Variants in OSBPL10 observed in about 807,000 individuals in gnomAD.
OSBPL10 encodes the protein oxysterol binding protein like 10, also known as oxysterol-binding protein-related protein 10.
Under a neutral mutation model 81.7 loss-of-function variants are expected in OSBPL10, and 49 were observed. That is an observed-to-expected ratio of 0.60 (90% CI 0.48 to 0.76). The LOEUF is 0.76. Among genes scored for constraint, OSBPL10 ranks in the 30% least tolerant of loss-of-function variants. OSBPL10 has a pLI of 0.00. For missense variants in OSBPL10, 923 were observed against 987.8 expected, an observed-to-expected ratio of 0.93 and a Z score of 0.88; for synonymous variants, 419 against 383.6, an observed-to-expected ratio of 1.09 and a Z score of -1.08.
chr3:31,714,704 G>C (rs1403572821), intron 6 of OSBPL10: 1 of 152,316 alleles, frequency 6.6e-6, no homozygotes, highest in Non-Finnish European at 1.5e-5. Context: ...ACCCAGGCTT[G>C]AGACCTGCAA....
At chr3:31,901,865 C>T (rs1404306948) in intron 1 of OSBPL10, among the ~76,000 whole-genome samples, 2 of 152,078 alleles carry the variant, frequency 1.3e-5, no homozygotes, top group African/African-American at 4.8e-5. Flanking sequence ...CGGCAAAACC[C>T]CATCTCTAGT....
chr3:31,678,950 C>A (rs1055082110), intron 8 of OSBPL10, among the ~76,000 whole-genome samples: 5 of 152,234 alleles, frequency 3.3e-5, no homozygotes, highest in African/African-American at 1.2e-4. Context: ...ATGCTAAAAT[C>A]ATGTCTACCC....
At chr3:31,748,622 T>C (rs1697611896) in intron 4 of OSBPL10, among the ~76,000 whole-genome samples, 1 of 135,504 alleles carries the variant, frequency 7.4e-6, no homozygotes, top group Admixed American at 8.5e-5. Flanking sequence ...AAACCAATGC[T>C]GAGCCCCCTT....
rs554185354 is a variant in OSBPL10 at position 31,749,914 on chromosome 3, C to T, written c.730-1794G>A. Among the ~76,000 whole-genome samples, 10 of 152,252 alleles carry T rather than the reference C, an allele frequency of 6.6e-5. No individual in the cohort carries two copies. In the South Asian group the frequency reaches 1.2e-3, roughly 19 times the overall value. ...TGCACCTCCAGGCCGGGCATGGTGG[C>T]TCACGCCTGTAATCCCAACACTTTG... On this transcript the variant is annotated intron_variant, in intron 4 of 11. Transcript: ENST00000396556.
At chr3:31,733,153 C>T in intron 6 of OSBPL10, 104 bp downstream of exon 6, 1 of 1,477,674 alleles carries the variant, frequency 6.8e-7, no homozygotes, top group Non-Finnish European at 9.2e-7. Context: ...TTTAATTTGT[C>T]TCCTCTTAAA....
At chr3:31,985,758 G>A (rs573242918), upstream of OSBPL10, among the ~76,000 whole-genome samples, 31 of 152,292 alleles carry the variant, frequency 2.0e-4, no homozygotes, top group Middle Eastern at 3.4e-3. Flanking sequence ...TGTGTTGTAC[G>A]TCCCAAATAA....
At chr3:32,047,354 G>T (rs1463053772) in intron 1 of OSBPL10, among the ~76,000 whole-genome samples, 1 of 152,134 alleles carries the variant, frequency 6.6e-6, no homozygotes, top group East Asian at 1.9e-4. Flanking sequence ...AGGGATGCTG[G>T]TTGGCTATTT....
At chr3:32,005,031 A>G (rs1699190164) in intron 2 of OSBPL10, among the ~76,000 whole-genome samples, 1 of 152,146 alleles carries the variant, frequency 6.6e-6, no homozygotes. Flanking sequence ...CACACCGTAG[A>G]TCTTAATCTG....
chr3:31,932,073 G>T (rs1172976301), intron 1 of OSBPL10, among the ~76,000 whole-genome samples: 1 of 149,714 alleles, frequency 6.7e-6, no homozygotes, highest in Non-Finnish European at 1.5e-5. Flanking sequence ...CTTTTTAAAT[G>T]AAGAAAAAAA....
At chr3:31,828,140 A>T (rs963982767) in intron 4 of OSBPL10, among the ~76,000 whole-genome samples, 1 of 152,240 alleles carries the variant, frequency 6.6e-6, no homozygotes, top group Non-Finnish European at 1.5e-5. Context: ...GTCTCAAATT[A>T]CTTATAAACT....
chr3:31,935,739 G>A (rs1286299985), intron 1 of OSBPL10, among the ~76,000 whole-genome samples: 1 of 151,996 alleles, frequency 6.6e-6, no homozygotes, highest in Non-Finnish European at 1.5e-5. Flanking sequence ...GGTCAGGCTG[G>A]TCTGGAACTC....
chr3:31,977,043 T>G (rs1698712163), intron 1 of OSBPL10, among the ~76,000 whole-genome samples: 1 of 152,172 alleles, frequency 6.6e-6, no homozygotes, highest in Admixed American at 6.5e-5. Flanking sequence ...AAATGAAAGT[T>G]CATACAGCCA....
intron 4 of OSBPL10, among the ~76,000 whole-genome samples, chr3:31,776,712 T>C (rs754333155): frequency 6.6e-6 from 1 of 152,202 alleles, no homozygotes; most frequent in Non-Finnish European, 1.5e-5. Context: ...AATTCTATGA[T>C]TCCATTTACA....
rs754566862 is a variant in OSBPL10 at position 31,733,292 on chromosome 3, C to A, written c.1060G>T (p.Ala354Ser). The A allele has an allele frequency of 1.7e-5, 28 of 1,613,234 alleles. No homozygotes were observed. In the South Asian group the frequency reaches 3.0e-4, roughly 17 times the overall value. The change falls in exon 6 of 12, where the codon GCT becomes TCT. Residue 354 changes from alanine (A) to serine (S), a missense_variant. Around this residue, in one of 3 missense-constraint regions of OSBPL10, gnomAD observed 514 missense variants for 508.0 expected, o/e 1.01. Transcript: ENST00000396556. ...NITWAILPNS[A>S]EDEQTSQPEP... is the part of the protein sequence containing the mutation. ...GGCTGTGAGGTTTGTTCGTCTTCAG[C>A]AGAGTTTGGTAAAATTGCCCAGGTT...
At chr3:31,733,087 A>G in intron 6 of OSBPL10, 170 bp downstream of exon 6, 1 of 810,516 alleles carries the variant, frequency 1.2e-6, no homozygotes, top group Non-Finnish European at 1.9e-6. Context: ...CAAGAACATG[A>G]GAAGTGCCGG....
intron 2 of OSBPL10, among the ~76,000 whole-genome samples, chr3:32,001,246 T>TC (rs537338876): frequency 4.9e-4 from 75 of 152,282 alleles, no homozygotes; most frequent in Non-Finnish European, 7.9e-4. Flanking sequence ...CCTGGATGTG[T>TC]CCCAAGAGAA....
intron 2 of OSBPL10, among the ~76,000 whole-genome samples, chr3:32,038,066 A>G (rs1238493332): frequency 6.6e-6 from 1 of 152,206 alleles, no homozygotes; most frequent in Non-Finnish European, 1.5e-5. Context: ...AGAGATCTGC[A>G]GTGTTCCCTC....
At chr3:31,803,736 T>A (rs1030204533) in intron 4 of OSBPL10, among the ~76,000 whole-genome samples, 3 of 152,226 alleles carry the variant, frequency 2.0e-5, no homozygotes, top group African/African-American at 7.2e-5. Flanking sequence ...TTATATCTCC[T>A]TTAATCTATC....
intron 3 of OSBPL10, among the ~76,000 whole-genome samples, chr3:31,864,453 T>C (rs1210805314): frequency 6.6e-6 from 1 of 152,170 alleles, no homozygotes; most frequent in Middle Eastern, 3.2e-3. Context: ...TTGCCCAGGC[T>C]GGTCTCGAAT....
Sources: allele counts gnomAD v4.1 joint callset (sites outside exome capture counted in the v4.1 genomes callset), GRCh38; gene constraint gnomAD v4.1.1; regional missense constraint gnomAD v4.1.1; transcripts MANE v1.5; gene names NCBI Gene and HGNC (gene_info 2026-07-23, HGNC 2026-07-21).